The following DCAF1 variants were observed in gnomAD, a reference collection of about 807,000 sequenced individuals.
DCAF1 encodes DDB1- and CUL4-associated factor 1.
Under a neutral mutation model 128.0 loss-of-function variants are expected in DCAF1, and 15 were observed. The ratio of observed to expected loss-of-function variants is 0.12; its 90% CI spans 0.08 to 0.18. The LOEUF (loss-of-function observed/expected upper bound fraction) is 0.18, where lower values mean the gene tolerates loss of function less well. Among genes scored for constraint, DCAF1 ranks in the 10% least tolerant of loss-of-function variants. The probability of loss-of-function intolerance (pLI) is 1.00; values close to 1 mark genes in which losing one functional copy is unlikely to be tolerated. For synonymous variants in DCAF1, 610 were observed against 603.0 expected (o/e 1.01, Z -0.17); for missense variants, 988 against 1,649.5 (o/e 0.60, Z 6.95).
intron 9 of DCAF1, among the ~76,000 whole-genome samples, chr3:51,436,628 G>A (rs1434435594): frequency 6.6e-6 from 1 of 151,980 alleles, no homozygotes; most frequent in Non-Finnish European, 1.5e-5. Flanking sequence ...ATTTATAAAG[G>A]ATCTGTGTAG....
At chr3:51,476,259 C>CG (rs1705432004) in intron 3 of DCAF1, among the ~76,000 whole-genome samples, 1 of 151,516 alleles carries the variant, frequency 6.6e-6, no homozygotes, top group African/African-American at 2.4e-5. Flanking sequence ...GGCATGGTGG[C>CG]GGGCGCCTAT....
intron 6 of DCAF1, among the ~76,000 whole-genome samples, chr3:51,460,896 A>T (rs1334857091): frequency 6.6e-6 from 1 of 150,750 alleles, no homozygotes; most frequent in East Asian, 1.9e-4. Flanking sequence ...CTTACACCTT[A>T]TACAAAAATT....
At chr3:51,435,384 C>A (rs894971935) in intron 9 of DCAF1, among the ~76,000 whole-genome samples, 254 of 152,288 alleles carry the variant, frequency 1.7e-3, no homozygotes, top group African/African-American at 5.7e-3. Context: ...TATATACACA[C>A]ACACCAAATC....
At chr3:51,485,586 G>A (rs924859668) in intron 2 of DCAF1, among the ~76,000 whole-genome samples, 2 of 152,162 alleles carry the variant, frequency 1.3e-5, no homozygotes, top group Middle Eastern at 3.2e-3. Flanking sequence ...CGCAAAATGC[G>A]TATCTTCTCA....
chr3:51,455,608 CA>C (rs1184597548), intron 6 of DCAF1, among the ~76,000 whole-genome samples: 4 of 149,840 alleles, frequency 2.7e-5, no homozygotes, highest in Admixed American at 2.7e-4. Flanking sequence ...GACCCCATCT[CA>C]AAAAAAAGGC....
At chr3:51,455,005 T>C (rs1702753035) in intron 6 of DCAF1, among the ~76,000 whole-genome samples, 1 of 152,200 alleles carries the variant, frequency 6.6e-6, no homozygotes, top group Non-Finnish European at 1.5e-5. Context: ...AGTTGAAGCA[T>C]ACATGCATAG....
chr3:51,406,342 C>CAAAAAA (rs782324969), intron 23 of DCAF1, among the ~76,000 whole-genome samples: 1 of 48,198 alleles, frequency 2.1e-5, no homozygotes, highest in East Asian at 5.7e-4. Flanking sequence ...GACTCTGTCT[C>CAAAAAA]AAAAAAAAAA....
chr3:51,449,287 C>A (rs1553640957), intron 6 of DCAF1, among the ~76,000 whole-genome samples: 1 of 152,076 alleles, frequency 6.6e-6, no homozygotes, highest in Non-Finnish European at 1.5e-5. Context: ...GGCTCACTGC[C>A]ACCTCTGCCT....
At chr3:51,443,618 T>C in intron 7 of DCAF1, 148 bp downstream of exon 7, 1 of 764,046 alleles carries the variant, frequency 1.3e-6, no homozygotes, top group South Asian at 4.8e-5. Context: ...TTTCAATTTT[T>C]AAAAACTCTT....
chr3:51,421,008 A>G lies in DCAF1; in HGVS notation c.1973-11T>C, dbSNP rs782099008. On this transcript the variant is annotated splice_polypyrimidine_tract_variant and intron_variant, in intron 14 of 24. Coordinates refer to ENST00000684031, the MANE Select transcript of DCAF1 (RefSeq NM_001387579.1). ...AAATAATGCTGATACCTAATGGGAAAAAAAATTATGTATTATTCACCATAA... is the reference window on the plus strand; with the variant it reads ...AAATAATGCTGATACCTAATGGGAAGAAAAATTATGTATTATTCACCATAA... The G allele has an allele frequency of 6.3e-7, 1 of 1,596,748 alleles. No homozygotes were observed. Among genetic ancestry groups the G allele is most frequent in the South Asian group, 1.1e-5 (1 of 88,906 alleles).
chr3:51,396,117 ACTT>A (rs1191401070), downstream of DCAF1: 31 of 407,566 alleles, frequency 7.6e-5, no homozygotes, highest in Admixed American at 1.8e-4. Context: ...TAAGTCCAAA[ACTT>A]CTTCTCTGGG....
At chr3:51,422,933 T>C (rs6790218) in intron 13 of DCAF1, among the ~76,000 whole-genome samples, 2,623 of 152,078 alleles carry the variant, frequency 0.017, 43 homozygotes, top group Middle Eastern at 0.065. Context: ...CCGGGTGTGG[T>C]AGCACGTGCC....
At chr3:51,414,596 G>C (rs782282612) in intron 19 of DCAF1, 28 bp downstream of exon 19, 5 of 1,602,756 alleles carry the variant, frequency 3.1e-6, no homozygotes, top group Non-Finnish European at 3.4e-6. Context: ...ACAACAAATG[G>C]AAGGTAAGAC....
chr3:51,499,285 C>G (rs1708572813), intron 1 of DCAF1, among the ~76,000 whole-genome samples: 1 of 152,192 alleles, frequency 6.6e-6, no homozygotes, highest in Non-Finnish European at 1.5e-5. Context: ...ACCCGCACAC[C>G]TCTCTTTCCA....
intron 3 of DCAF1, among the ~76,000 whole-genome samples, chr3:51,473,883 A>G (rs1553649420): frequency 6.6e-6 from 1 of 151,374 alleles, no homozygotes; most frequent in South Asian, 2.1e-4. Context: ...GGCTCACTGC[A>G]ACCTCTGCCT....
chr3:51,483,139 GA>G lies in DCAF1; in HGVS notation c.110+579del, dbSNP rs374351985. On this transcript the variant is annotated intron_variant, in intron 3 of 24. Transcript: ENST00000684031. ...GGGCAACAAGAGCAAAACTCCGTAT[GA>G]AAAAAAAAAAAAAAGCCAGGCTCAG... Among the ~76,000 whole-genome samples, 219 of 125,018 alleles carry G rather than the reference GA, an allele frequency of 1.8e-3. 2 individuals carry two copies. Among genetic ancestry groups the G allele is most frequent in the South Asian group, 7.6e-3 (29 of 3,838 alleles). 82.0% of individuals were successfully genotyped at this position (125,018 alleles called of 152,430 possible).
chr3:51,463,194 G>C lies in DCAF1; in HGVS notation c.295C>G (p.Pro99Ala). The C allele has an allele frequency of 1.3e-6, 2 of 1,590,178 alleles. No individual in the cohort carries two copies. The highest frequency in any genetic ancestry group is 1.7e-6 in the Non-Finnish European group (2 of 1,167,492). The change falls in exon 6 of 25, where the codon CCC becomes GCC. Residue 99 changes from proline (P) to alanine (A), a missense_variant. By Grantham distance (27) the Pro-to-Ala change is conservative (BLOSUM62 -1). Around this residue, in one of 11 missense-constraint regions of DCAF1, gnomAD observed 210 missense variants for 260.2 expected, o/e 0.81. Coordinates refer to ENST00000684031, the MANE Select transcript of DCAF1 (RefSeq NM_001387579.1). The stretch of plus-strand genomic sequence containing the variant: ...CTGCAAGCTGCAGTGTTTAAAGGGG[G>C]CTCTCGGCTTGTCATCACATATGCA... ...VNAYVMTSRE[P>A]PLNTAACRLL...
In DCAF1 at chr3:51,441,220, T is replaced by C. The variant is rs567523292; in HGVS notation, c.1027-149A>G. 6.7e-5 allele frequency: 79 copies of C among 1,183,402 alleles called. No individual in the cohort carries two copies. In the East Asian group the frequency reaches 9.4e-4, roughly 14 times the overall value. 73.3% of individuals were successfully genotyped at this position (1,183,402 alleles called of 1,614,324 possible). On this transcript the variant is annotated intron_variant, in intron 8 of 24. Coordinates refer to ENST00000684031, the MANE Select transcript of DCAF1 (RefSeq NM_001387579.1). The stretch of plus-strand genomic sequence containing the variant: ...AACGTGTAAATGCACTTTAATCAAA[T>C]AGACCATATCAGGAATGACCTGCAT...
At chr3:51,492,595 G>A (rs782109513) in intron 2 of DCAF1, among the ~76,000 whole-genome samples, 13 of 152,124 alleles carry the variant, frequency 8.5e-5, no homozygotes, top group Non-Finnish European at 1.6e-4. Flanking sequence ...AAACCATAAT[G>A]AGATATCATT....
Sources: gnomAD v4.1 joint callset for allele counts (sites outside exome capture counted in the v4.1 genomes callset) on GRCh38, gnomAD v4.1.1 for gene constraint, gnomAD v4.1.1 regional missense constraint, MANE v1.5 for transcripts, NCBI Gene and HGNC (gene_info 2026-07-23, HGNC 2026-07-21) for gene names.